Variants in GRB14 observed in about 807,000 individuals in gnomAD.
The protein encoded by GRB14 is growth factor receptor-bound protein 14.
GRB14 carries 38 observed loss-of-function variants against 69.1 expected under a neutral mutation model. The observed-to-expected ratio is 0.55, with a 90% confidence interval of 0.42 to 0.72. The LOEUF is 0.72. Ranked by LOEUF, GRB14 falls within the 30% of genes least tolerant of loss-of-function variation. GRB14 has a pLI of 0.00. For synonymous variants in GRB14, 247 were observed against 241.3 expected, an observed-to-expected ratio of 1.02 and a Z score of -0.22; for missense variants, 666 against 666.1, an observed-to-expected ratio of 1.00 and a Z score of 0.00.
chr2:164,514,194 G>A (rs1044775542), intron 6 of GRB14, among the ~76,000 whole-genome samples: 3 of 152,162 alleles, frequency 2.0e-5, no homozygotes, highest in Non-Finnish European at 4.4e-5. Context: ...AGAAGTAAAG[G>A]AACAGGAGGC....
In GRB14 at chr2:164,523,982, A is replaced by G. The variant is rs1687702997; in HGVS notation, c.678+1022T>C. Among the ~76,000 whole-genome samples the G allele has an allele frequency of 2.6e-5, 4 of 152,082 alleles. No homozygotes were observed. The South Asian group carries it at 8.3e-4, about 32-fold the overall frequency. ...GCACAGCTGCTGCTGCCATTTACCT[A>G]ACATTTTGACAGGGTGTCTCTGTAA... is the stretch of plus-strand genomic sequence containing the variant. On this transcript the variant is annotated intron_variant, in intron 5 of 13. Transcript: ENST00000263915.
chr2:164,581,427 A>G (rs1689402164), intron 2 of GRB14, among the ~76,000 whole-genome samples: 1 of 152,144 alleles, frequency 6.6e-6, no homozygotes, highest in Non-Finnish European at 1.5e-5. Context: ...AGAGAAGCTA[A>G]TGTTTCCGTG....
intron 2 of GRB14, among the ~76,000 whole-genome samples, chr2:164,584,147 A>ATTTTTTTTTTTTT (rs55883951): frequency 1.0e-4 from 5 of 49,900 alleles, no homozygotes; most frequent in African/African-American, 8.6e-5. Context: ...CAGCCTGGCT[A>ATTTTTTTTTTTTT]TTTTTTTTTT....
chr2:164,528,199 T>C (rs1333751881), intron 3 of GRB14, among the ~76,000 whole-genome samples: 1 of 152,092 alleles, frequency 6.6e-6, no homozygotes, highest in Non-Finnish European at 1.5e-5. Flanking sequence ...GTGAGTACAA[T>C]ACTGTTTCTT....
chr2:164,518,015 T>G (rs1687540328), intron 6 of GRB14, among the ~76,000 whole-genome samples: 1 of 152,174 alleles, frequency 6.6e-6, no homozygotes, highest in African/African-American at 2.4e-5. Flanking sequence ...TTAAAACAAA[T>G]GGACTTAACA....
At chr2:164,520,277 T>TGGTGC (rs1173941938) in intron 6 of GRB14, among the ~76,000 whole-genome samples, 1 of 152,072 alleles carries the variant, frequency 6.6e-6, no homozygotes, top group Non-Finnish European at 1.5e-5. Context: ...AGTCAACAAA[T>TGGTGC]GGTGCTGGGA....
intron 2 of GRB14, among the ~76,000 whole-genome samples, chr2:164,598,047 T>C (rs1465450549): frequency 3.9e-5 from 6 of 151,972 alleles, no homozygotes; most frequent in African/African-American, 7.2e-5. Context: ...TCTCACTGCA[T>C]TGAGACCCTA....
At chr2:164,552,315 C>A (rs186748676) in intron 2 of GRB14, among the ~76,000 whole-genome samples, 2 of 152,086 alleles carry the variant, frequency 1.3e-5, no homozygotes, top group African/African-American at 4.8e-5. Context: ...GGAACCTACC[C>A]CAGGGTGATA....
At chr2:164,555,067 A>G (rs1341956106) in intron 2 of GRB14, among the ~76,000 whole-genome samples, 2 of 152,244 alleles carry the variant, frequency 1.3e-5, no homozygotes, top group African/African-American at 4.8e-5. Context: ...AAGCATACTT[A>G]GTATTTCTCT....
At position 164,561,629 on chromosome 2, in the gene GRB14, G is replaced by A. The variant is rs140829543; in HGVS notation, c.325-13813C>T. Among the ~76,000 whole-genome samples the A allele has an allele frequency of 3.5e-3, 539 of 152,302 alleles. 9 individuals are homozygous for A. The highest frequency in any genetic ancestry group is 0.029 in the East Asian group (149 of 5,166). On this transcript the variant is annotated intron_variant, in intron 2 of 13. Transcript: ENST00000263915. ...TGTGCCCAGGCAATTCTGAGGGACA[G>A]CCTCCTGTGCTAGGTGGAGCAGAGG...
chr2:164,586,154 G>A (rs114141531), intron 2 of GRB14, among the ~76,000 whole-genome samples: 55 of 152,274 alleles, frequency 3.6e-4, no homozygotes, highest in Non-Finnish European at 6.3e-4. Flanking sequence ...AGAATGTCCC[G>A]GTATAAATGG....
At chr2:164,550,471 T>A (rs1472162216) in intron 2 of GRB14, among the ~76,000 whole-genome samples, 1 of 152,220 alleles carries the variant, frequency 6.6e-6, no homozygotes, top group East Asian at 1.9e-4. Context: ...TTCTGTCCTA[T>A]CTTTTAAAAA....
At chr2:164,544,122 C>T (rs1037046554) in intron 3 of GRB14, among the ~76,000 whole-genome samples, 2 of 152,144 alleles carry the variant, frequency 1.3e-5, no homozygotes, top group African/African-American at 2.4e-5. Context: ...TGAGAATATG[C>T]TCATATCTTT....
chr2:164,523,204 C>T (rs1396194787), intron 5 of GRB14, among the ~76,000 whole-genome samples: 1 of 152,050 alleles, frequency 6.6e-6, no homozygotes, highest in Non-Finnish European at 1.5e-5. Flanking sequence ...CCCAGCTAAA[C>T]TCTTCCCAGA....
At chr2:164,558,540 G>T (rs1017381960) in intron 2 of GRB14, among the ~76,000 whole-genome samples, 1 of 152,136 alleles carries the variant, frequency 6.6e-6, no homozygotes, top group Non-Finnish European at 1.5e-5. Context: ...TGTGTTCTCT[G>T]AAGTTTCAGT....
chr2:164,497,178 C>G (rs1351399360), intron 11 of GRB14, 33 bp downstream of exon 11: 1 of 1,599,614 alleles, frequency 6.3e-7, no homozygotes, highest in Non-Finnish European at 8.6e-7. Flanking sequence ...GTCTATCCGT[C>G]TACTCAGTGG....
chr2:164,570,504 G>A (rs553735538), intron 2 of GRB14, among the ~76,000 whole-genome samples: 9 of 152,084 alleles, frequency 5.9e-5, no homozygotes, highest in Admixed American at 2.0e-4. Flanking sequence ...TCAGTGGTAA[G>A]TTGAGACTAA....
intron 2 of GRB14, among the ~76,000 whole-genome samples, chr2:164,600,866 C>T (rs975618492): frequency 7.3e-5 from 11 of 151,682 alleles, no homozygotes; most frequent in Admixed American, 2.6e-4. Flanking sequence ...ATTTATAGCC[C>T]CACATTTATT....
At chr2:164,604,885 C>T (rs1374235614) in intron 2 of GRB14, among the ~76,000 whole-genome samples, 2 of 152,044 alleles carry the variant, frequency 1.3e-5, no homozygotes, top group Non-Finnish European at 2.9e-5. Flanking sequence ...AATGTCTATT[C>T]AATGGGTATA....
Sources: allele counts gnomAD v4.1 joint callset (sites outside exome capture counted in the v4.1 genomes callset), GRCh38; gene constraint gnomAD v4.1.1; transcripts MANE v1.5; gene names NCBI Gene and HGNC (gene_info 2026-07-23, HGNC 2026-07-21).